SLC44A5: variants seen among roughly 807,000 people sequenced by gnomAD.
The protein encoded by SLC44A5 is solute carrier family 44 member 5.
In SLC44A5, 57 loss-of-function variants were observed where a neutral mutation model predicts 101.8. The observed-to-expected ratio is 0.56, with a 90% CI of 0.45 to 0.70. The LOEUF (loss-of-function observed/expected upper bound fraction) is 0.70. Ranked by LOEUF, SLC44A5 falls within the 30% of genes least tolerant of loss-of-function variation. The pLI is 0.00. For missense variants in SLC44A5, 737 were observed against 853.1 expected (o/e 0.86, Z 1.70); for synonymous variants, 281 against 290.9 (o/e 0.97, Z 0.35).
At chr1:75,617,991 C>T in the SLC44A5 span, among the ~76,000 whole-genome samples, 1 of 152,192 alleles carries the variant, frequency 6.6e-6, no homozygotes, top group South Asian at 2.1e-4. Flanking sequence ...CTAGGTTTTA[C>T]AGACGGTGAA....
rs578214760 is a variant in SLC44A5, at chr1:75,291,971, C to T, written c.175+8641G>A. Among the ~76,000 whole-genome samples the T allele has an allele frequency of 1.2e-3, 181 of 149,086 alleles. 1 individual carries two copies. Among genetic ancestry groups the T allele is most frequent in the Non-Finnish European group, 2.1e-3 (141 of 67,524 alleles). ...AGCTTGCAGTGAGCCGAGATCGCGC[C>T]ACTGCACTCCAGCCTGGGTGACAGA... On this transcript the variant is annotated intron_variant, in intron 5 of 23. Transcript: ENST00000370859.
At chr1:75,375,480 CAG>C (rs1660518007) in intron 3 of SLC44A5, among the ~76,000 whole-genome samples, 1 of 152,164 alleles carries the variant, frequency 6.6e-6, no homozygotes, top group African/African-American at 2.4e-5. Flanking sequence ...TCAAGAAATT[CAG>C]AGAATCTTTG....
intron 23 of SLC44A5, among the ~76,000 whole-genome samples, chr1:75,209,073 T>G (rs1646803224): frequency 6.6e-6 from 1 of 152,212 alleles, no homozygotes; most frequent in Non-Finnish European, 1.5e-5. Context: ...TAAGTTTCCT[T>G]GTTCTTTGTT....
intron 2 of SLC44A5, among the ~76,000 whole-genome samples, chr1:75,513,889 G>A (rs1669690686): frequency 6.6e-6 from 1 of 152,188 alleles, no homozygotes; most frequent in African/African-American, 2.4e-5. Flanking sequence ...CTGGAGTGCA[G>A]TGGCACAATC....
the SLC44A5 span, chr1:75,641,599 T>A: frequency 6.6e-7 from 1 of 1,508,970 alleles, no homozygotes; most frequent in Non-Finnish European, 9.2e-7. Context: ...TCAGATTACA[T>A]TCTTTGGGAT....
intron 2 of SLC44A5, among the ~76,000 whole-genome samples, chr1:75,429,666 T>A (rs1292015458): frequency 4.6e-5 from 7 of 152,088 alleles, no homozygotes; most frequent in Admixed American, 4.6e-4. Context: ...AAATTTCCAG[T>A]CATGGTGGAA....
chr1:75,566,167 A>G (rs538547141), intron 1 of SLC44A5, among the ~76,000 whole-genome samples: 42 of 152,308 alleles, frequency 2.8e-4, no homozygotes, highest in African/African-American at 9.4e-4. Flanking sequence ...TCAGTGCCCA[A>G]TGATTAAAGC....
intron 4 of SLC44A5, among the ~76,000 whole-genome samples, chr1:75,330,513 G>T (rs143792742): frequency 1.3e-5 from 2 of 152,002 alleles, no homozygotes. Flanking sequence ...TTCCATTGTA[G>T]GCAAGACTCT....
At chr1:75,237,181 G>C in intron 10 of SLC44A5, 111 bp from the exon 11 acceptor site, 1 of 615,004 alleles carries the variant, frequency 1.6e-6, no homozygotes, top group Non-Finnish European at 3.0e-6. Flanking sequence ...CATGTTTTCA[G>C]AAACCATCTA....
At chr1:75,440,025 TAAG>T (rs1448061013) in intron 2 of SLC44A5, among the ~76,000 whole-genome samples, 5 of 152,010 alleles carry the variant, frequency 3.3e-5, no homozygotes, top group African/African-American at 1.2e-4. Context: ...AAAATAACAT[TAAG>T]AAGTACTGAA....
chr1:75,333,151 T>TA (rs1252059405), intron 4 of SLC44A5, among the ~76,000 whole-genome samples: 1 of 152,148 alleles, frequency 6.6e-6, no homozygotes, highest in African/African-American at 2.4e-5. Context: ...TAGTTTGGAA[T>TA]AAAAAACCTA....
intron 3 of SLC44A5, among the ~76,000 whole-genome samples, chr1:75,376,810 G>A (rs887579479): frequency 1.3e-5 from 2 of 152,226 alleles, no homozygotes; most frequent in Non-Finnish European, 2.9e-5. Flanking sequence ...ACCAGCAATG[G>A]AACAAAGCTG....
intron 3 of SLC44A5, among the ~76,000 whole-genome samples, chr1:75,355,151 T>C (rs1658975933): frequency 6.6e-6 from 1 of 152,044 alleles, no homozygotes; most frequent in African/African-American, 2.4e-5. Flanking sequence ...AACAAAAATT[T>C]CCCATACACA....
chr1:75,525,780 A>T (rs769498662), intron 2 of SLC44A5, among the ~76,000 whole-genome samples: 2 of 152,234 alleles, frequency 1.3e-5, no homozygotes, highest in Non-Finnish European at 1.5e-5. Context: ...ATGAAATATT[A>T]TGGTAAATAT....
the SLC44A5 span, among the ~76,000 whole-genome samples, chr1:75,703,411 G>GA: frequency 6.7e-6 from 1 of 148,984 alleles, no homozygotes; most frequent in Non-Finnish European, 1.5e-5. Flanking sequence ...ATCACAAGGA[G>GA]AAAAAAACCA....
intron 2 of SLC44A5, among the ~76,000 whole-genome samples, chr1:75,415,983 C>A (rs902552204): frequency 1.1e-4 from 17 of 152,164 alleles, no homozygotes; most frequent in African/African-American, 4.1e-4. Context: ...AGAAAATGTG[C>A]AGCCTGACAA....
the SLC44A5 span, among the ~76,000 whole-genome samples, chr1:75,621,685 A>G: frequency 2.6e-5 from 4 of 152,182 alleles, no homozygotes; most frequent in Admixed American, 6.5e-5. Context: ...GAAGGATGTC[A>G]AATGATCCAA....
chr1:75,667,167 T>C, the SLC44A5 span, among the ~76,000 whole-genome samples: 2 of 152,136 alleles, frequency 1.3e-5, no homozygotes, highest in African/African-American at 2.4e-5. Flanking sequence ...GACATGATTG[T>C]ATATTTAGAA....
At chr1:75,278,840 A>C (rs1652147941) in intron 5 of SLC44A5, among the ~76,000 whole-genome samples, 1 of 152,172 alleles carries the variant, frequency 6.6e-6, no homozygotes, top group Non-Finnish European at 1.5e-5. Context: ...ACAACAAAAA[A>C]GTAGAATCTT....
Sources: allele counts gnomAD v4.1 joint callset (sites outside exome capture counted in the v4.1 genomes callset), GRCh38; gene constraint gnomAD v4.1.1; transcripts MANE v1.5; gene names NCBI Gene and HGNC (gene_info 2026-07-23, HGNC 2026-07-21).